MED13: variants seen among roughly 807,000 people sequenced by gnomAD.
MED13 encodes mediator of RNA polymerase II transcription subunit 13.
In MED13, 23 loss-of-function variants were observed where a neutral mutation model predicts 225.2. The observed-to-expected ratio is 0.10, with a 90% CI of 0.07 to 0.14. The LOEUF is 0.14. Ranked by LOEUF, MED13 falls within the 10% of genes least tolerant of loss-of-function variation. MED13 has a pLI of 1.00. For missense variants in MED13, 2,197 were observed against 2,594.5 expected, an observed-to-expected ratio of 0.85 and a Z score of 3.33; for synonymous variants, 942 against 889.2, an observed-to-expected ratio of 1.06 and a Z score of -1.06.
chr17:61,965,566 T>C (rs759113523), intron 19 of MED13, 98 bp from the exon 20 acceptor site: 2 of 1,254,952 alleles, frequency 1.6e-6, no homozygotes, highest in South Asian at 3.1e-5. Flanking sequence ...CAGTTGATGT[T>C]TTCTTGGTAA....
chr17:62,061,336 C>T (rs1003051490), intron 2 of MED13, among the ~76,000 whole-genome samples: 4 of 151,272 alleles, frequency 2.6e-5, no homozygotes, highest in African/African-American at 9.7e-5. Context: ...CTGGTCAACA[C>T]AGCAAGACCC....
chr17:62,020,392 T>C (rs2080628534), intron 8 of MED13, among the ~76,000 whole-genome samples: 1 of 152,130 alleles, frequency 6.6e-6, no homozygotes, highest in Non-Finnish European at 1.5e-5. Context: ...TTTATTTTTC[T>C]TTTTTTAGAC....
chr17:62,054,331 C>T (rs2080980321), intron 2 of MED13, among the ~76,000 whole-genome samples: 2 of 151,168 alleles, frequency 1.3e-5, no homozygotes, highest in African/African-American at 4.9e-5. Flanking sequence ...AAAAGGTAAG[C>T]TTAGGGAAAA....
At chr17:61,980,789 C>G (rs965611992) in intron 16 of MED13, among the ~76,000 whole-genome samples, 1 of 152,116 alleles carries the variant, frequency 6.6e-6, no homozygotes, top group Non-Finnish European at 1.5e-5. Context: ...GTTGCCCAGG[C>G]TGGAGTGCAG....
intron 6 of MED13, chr17:62,031,107 T>A (rs975566248): frequency 5.9e-6 from 1 of 168,666 alleles, no homozygotes; most frequent in African/African-American, 2.4e-5. Context: ...AGTGTATCAA[T>A]GCTGATTTTC....
rs796317297 is a variant in MED13, at chr17:61,945,693, A to G, written c.*775T>C. ...TGCTGTAAGACCTGGTACCTTTTCAATTTATAAACACAGTGAACTTCATTA... is the reference window on the plus strand; with the variant it reads ...TGCTGTAAGACCTGGTACCTTTTCAGTTTATAAACACAGTGAACTTCATTA... On this transcript the variant is annotated 3_prime_UTR_variant, in exon 30 of 30. Coordinates refer to ENST00000397786, the MANE Select transcript of MED13 (RefSeq NM_005121.3). 9.8e-5 allele frequency: 15 copies of G among 152,736 alleles called. No homozygotes were observed. The highest frequency in any genetic ancestry group is 3.6e-4 in the African/African-American group (15 of 41,566). The allele number at this position is 152,736 out of a possible 1,614,324, so 9.5% of individuals were successfully genotyped here.
At chr17:62,018,947 A>C (rs539026490) in intron 8 of MED13, among the ~76,000 whole-genome samples, 80 of 151,870 alleles carry the variant, frequency 5.3e-4, no homozygotes, top group African/African-American at 1.8e-3. Context: ...ATGTTACAAA[A>C]TCGAAAGATC....
rs1219870720 is a variant in MED13, at chr17:61,944,713, G to A, written c.*1755C>T. The A allele has an allele frequency of 1.3e-5, 2 of 152,476 alleles. No individual in the cohort carries two copies. The highest frequency in any genetic ancestry group is 4.1e-4 in the South Asian group (2 of 4,834). 9.4% of individuals were successfully genotyped at this position (152,476 alleles called of 1,614,324 possible). A position where few individuals can be genotyped will look rare whatever the true frequency, so the allele number is the denominator to read the frequency against. ...AAACTAAAACAAACACTGAAGTAGA[G>A]TTTTGTAAATACAACTGATTTTGTC... On this transcript the variant is annotated 3_prime_UTR_variant, in exon 30 of 30. Transcript: ENST00000397786.
In MED13 at chr17:61,961,595, C is replaced by A; in HGVS notation, c.5249G>T (p.Ser1750Ile). 2 of 1,599,906 alleles carry A rather than the reference C, an allele frequency of 1.3e-6. No homozygotes were observed. The highest frequency in any genetic ancestry group is 1.7e-6 in the Non-Finnish European group (2 of 1,171,504). ...PGLAMETALR[S>I]PDRPECIRLY... Reference sequence around the variant, plus strand: ...TGAAAAACATATACTTACATCAGGACTTCTAAGGGCAGTTTCCATGGCTAA... The same window carrying A: ...TGAAAAACATATACTTACATCAGGAATTCTAAGGGCAGTTTCCATGGCTAA... Residue 1750 changes from serine (S) to isoleucine (I), a missense_variant, in exon 22 of 30, where the codon AGT (serine) becomes ATT (isoleucine). Ser to Ile is a moderately radical substitution (Grantham distance 142, BLOSUM62 -2). Around this residue, in one of 12 missense-constraint regions of MED13, gnomAD observed 457 missense variants for 442.2 expected, o/e 1.03. Transcript: ENST00000397786.
At chr17:61,963,261 T>C (rs1334021300) in intron 20 of MED13, among the ~76,000 whole-genome samples, 1 of 108,754 alleles carries the variant, frequency 9.2e-6, no homozygotes, top group Non-Finnish European at 2.2e-5. Flanking sequence ...CTTAAAACCA[T>C]AGGGTAAGGG....
intron 1 of MED13, among the ~76,000 whole-genome samples, chr17:62,063,524 A>G (rs2081058225): frequency 6.6e-6 from 1 of 152,224 alleles, no homozygotes; most frequent in Non-Finnish European, 1.5e-5. Flanking sequence ...CTGAATAGCA[A>G]GCAAATATGT....
At chr17:61,961,881 C>T in intron 21 of MED13, 102 bp from the exon 22 acceptor site, 1 of 1,078,716 alleles carries the variant, frequency 9.3e-7, no homozygotes, top group Non-Finnish European at 1.4e-6. Flanking sequence ...AAAATTTACA[C>T]AAAACCTAAT....
intron 3 of MED13, among the ~76,000 whole-genome samples, chr17:62,036,404 C>T (rs2080804174): frequency 6.6e-6 from 1 of 151,976 alleles, no homozygotes. Context: ...ATAAAAGTTC[C>T]CAAGGACATC....
intron 3 of MED13, 39 bp from the exon 4 acceptor site, chr17:62,035,647 G>C: frequency 6.4e-7 from 1 of 1,565,546 alleles, no homozygotes; most frequent in Non-Finnish European, 8.6e-7. Flanking sequence ...GTGATGACTA[G>C]TGGCCAAAAA....
chr17:62,061,895 G>C (rs1353829914), intron 2 of MED13, among the ~76,000 whole-genome samples: 1 of 152,176 alleles, frequency 6.6e-6, no homozygotes, highest in African/African-American at 2.4e-5. Context: ...AAGCTTTCTT[G>C]AAGAATTGCA....
intron 16 of MED13, among the ~76,000 whole-genome samples, chr17:61,977,135 C>T (rs2080163971): frequency 6.6e-6 from 1 of 152,118 alleles, no homozygotes; most frequent in Non-Finnish European, 1.5e-5. Flanking sequence ...TTTGCCTTTA[C>T]ACAGAACTTT....
chr17:62,055,705 C>A (rs912072856), intron 2 of MED13, among the ~76,000 whole-genome samples: 1 of 151,840 alleles, frequency 6.6e-6, no homozygotes, highest in Non-Finnish European at 1.5e-5. Flanking sequence ...CACCTGTAGT[C>A]CCAGCTATCC....
At chr17:61,948,670 C>T (rs2079870253) in intron 28 of MED13, among the ~76,000 whole-genome samples, 1 of 151,832 alleles carries the variant, frequency 6.6e-6, no homozygotes, top group Non-Finnish European at 1.5e-5. Flanking sequence ...AGGTGATCTG[C>T]CTGCCTCAGC....
intron 3 of MED13, among the ~76,000 whole-genome samples, chr17:62,038,382 CAAA>C (rs916941825): frequency 6.6e-6 from 1 of 150,924 alleles, no homozygotes; most frequent in Non-Finnish European, 1.5e-5. Flanking sequence ...AGTCTCCAAA[CAAA>C]AAAAGATATT....
Sources: gnomAD v4.1 joint callset for allele counts (sites outside exome capture counted in the v4.1 genomes callset) on GRCh38, gnomAD v4.1.1 for gene constraint, gnomAD v4.1.1 regional missense constraint, MANE v1.5 for transcripts, NCBI Gene and HGNC (gene_info 2026-07-23, HGNC 2026-07-21) for gene names.